IPCEF1: variants seen among roughly 807,000 people sequenced by gnomAD.
IPCEF1 encodes interaction protein for cytohesin exchange factors 1, also known as interactor protein for cytohesin exchange factors 1.
In IPCEF1, 31 loss-of-function variants were observed where a neutral mutation model predicts 50.9. The ratio of observed to expected loss-of-function variants is 0.61; its 90% CI spans 0.46 to 0.82. The LOEUF is 0.82. IPCEF1 is among the 40% of genes least tolerant of loss of function. IPCEF1 has a pLI of 0.00. For missense variants in IPCEF1, 458 were observed against 514.0 expected, an observed-to-expected ratio of 0.89 and a Z score of 1.05; for synonymous variants, 181 against 192.0, an observed-to-expected ratio of 0.94 and a Z score of 0.47.
chr6:154,174,088 G>A (rs1800098006), intron 10 of IPCEF1, among the ~76,000 whole-genome samples: 1 of 152,122 alleles, frequency 6.6e-6, no homozygotes, highest in Non-Finnish European at 1.5e-5. Flanking sequence ...CATAAGTGAA[G>A]GAGAAATAAA....
chr6:154,355,495 T>TC (rs1491389403), intron 1 of IPCEF1, among the ~76,000 whole-genome samples: 4 of 67,454 alleles, frequency 5.9e-5, no homozygotes, highest in Non-Finnish European at 1.4e-4. Flanking sequence ...TCTTTCTTTC[T>TC]TTTTTTTTTT....
chr6:154,271,941 T>A (rs1416167174), intron 2 of IPCEF1, among the ~76,000 whole-genome samples: 1 of 152,210 alleles, frequency 6.6e-6, no homozygotes, highest in Non-Finnish European at 1.5e-5. Context: ...GAGCTTTGAT[T>A]GTGCTATTGC....
chr6:154,233,988 C>G (rs118182502), intron 5 of IPCEF1, among the ~76,000 whole-genome samples: 2 of 152,288 alleles, frequency 1.3e-5, no homozygotes, highest in East Asian at 3.9e-4. Context: ...GCAGAAGGAT[C>G]TCTTGAGGCT....
intron 1 of IPCEF1, among the ~76,000 whole-genome samples, chr6:154,342,134 T>A (rs996422193): frequency 2.6e-5 from 4 of 152,140 alleles, no homozygotes; most frequent in Non-Finnish European, 4.4e-5. Flanking sequence ...AATTCTTTGC[T>A]GGCCTCCCAT....
chr6:154,338,680 G>A (rs551157423), intron 1 of IPCEF1, among the ~76,000 whole-genome samples: 1 of 152,046 alleles, frequency 6.6e-6, no homozygotes, highest in Admixed American at 6.5e-5. Context: ...AGTATTTTCA[G>A]AGGCCAAGGT....
intron 10 of IPCEF1, among the ~76,000 whole-genome samples, chr6:154,186,462 C>G (rs1801353269): frequency 6.6e-6 from 1 of 152,234 alleles, no homozygotes; most frequent in Non-Finnish European, 1.5e-5. Flanking sequence ...TCACCTCCAC[C>G]TGAACACAGG....
At chr6:154,353,363 C>T (rs1461257542) in intron 1 of IPCEF1, among the ~76,000 whole-genome samples, 3 of 142,096 alleles carry the variant, frequency 2.1e-5, no homozygotes, top group Admixed American at 7.6e-5. Flanking sequence ...TGCGTGATCT[C>T]GGCTCACTGC....
intron 3 of IPCEF1, among the ~76,000 whole-genome samples, chr6:154,260,315 G>C (rs557913955): frequency 1.6e-4 from 25 of 152,182 alleles, no homozygotes; most frequent in African/African-American, 6.0e-4. Context: ...GTAACTTTTT[G>C]TTTCAGGGAA....
intron 1 of IPCEF1, among the ~76,000 whole-genome samples, chr6:154,298,432 C>T (rs572698784): frequency 6.6e-6 from 1 of 152,274 alleles, no homozygotes; most frequent in African/African-American, 2.4e-5. Context: ...AAATGTAAGT[C>T]AGCAGTTTCA....
At chr6:154,298,898 G>T (rs1298769632) in intron 1 of IPCEF1, among the ~76,000 whole-genome samples, 2 of 94,948 alleles carry the variant, frequency 2.1e-5, no homozygotes, top group Non-Finnish European at 5.2e-5. Flanking sequence ...GGAGGCGGAG[G>T]TTGCAGTAAG....
intron 10 of IPCEF1, among the ~76,000 whole-genome samples, chr6:154,179,869 C>T (rs1462764339): frequency 6.6e-6 from 1 of 152,164 alleles, no homozygotes; most frequent in Non-Finnish European, 1.5e-5. Context: ...CACCTAGGAA[C>T]CTTGTTAACA....
intron 11 of IPCEF1, among the ~76,000 whole-genome samples, chr6:154,163,230 T>C (rs1335736665): frequency 2.6e-5 from 4 of 152,156 alleles, no homozygotes; most frequent in Non-Finnish European, 5.9e-5. Flanking sequence ...CTCCCCATGC[T>C]CCATCCCCAC....
chr6:154,345,816 G>T (rs1784016705), intron 1 of IPCEF1, among the ~76,000 whole-genome samples: 1 of 151,662 alleles, frequency 6.6e-6, no homozygotes. Context: ...AATGTGTTAG[G>T]AATATGGTTT....
intron 10 of IPCEF1, among the ~76,000 whole-genome samples, chr6:154,179,862 C>G (rs1800680678): frequency 6.6e-6 from 1 of 152,166 alleles, no homozygotes; most frequent in African/African-American, 2.4e-5. Context: ...AGGCACTCAC[C>G]TAGGAACCTT....
chr6:154,301,823 G>C (rs934469413), intron 1 of IPCEF1, among the ~76,000 whole-genome samples: 1 of 151,972 alleles, frequency 6.6e-6, no homozygotes, highest in Non-Finnish European at 1.5e-5. Flanking sequence ...GTACTAATAA[G>C]TAAAAATAAA....
At chr6:154,338,885 C>G (rs977857910) in intron 1 of IPCEF1, among the ~76,000 whole-genome samples, 3 of 152,014 alleles carry the variant, frequency 2.0e-5, no homozygotes, top group Non-Finnish European at 4.4e-5. Context: ...CTTCAGTGAG[C>G]CAAGACTGCA....
chr6:154,199,902 C>T lies in IPCEF1; in HGVS notation c.676G>A (p.Val226Ile). 1 of 1,614,190 alleles carries T rather than the reference C, an allele frequency of 6.2e-7. No homozygotes were observed. Among genetic ancestry groups the T allele is most frequent in the South Asian group, 1.1e-5 (1 of 91,090 alleles). Residue 226 changes from valine to isoleucine, a missense_variant, in exon 10 of 12, where the codon GTT (valine) becomes ATT (isoleucine). Physicochemically the swap from Val to Ile is conservative, Grantham distance 29. Coordinates refer to ENST00000367220, the MANE Select transcript of IPCEF1 (RefSeq NM_001130700.2). Reference sequence around the variant, plus strand: ...TCTTCAGCAGCAGACAAACTGTTAACTGTGTCAGGCAAGGATTGTCTCTCT... The same window carrying T: ...TCTTCAGCAGCAGACAAACTGTTAATTGTGTCAGGCAAGGATTGTCTCTCT... ...SKERQSLPDT[V>I]NSLSAAEDEG...
intron 7 of IPCEF1, chr6:154,219,232 T>C (rs1397448048): frequency 1.3e-5 from 2 of 152,182 alleles, no homozygotes; most frequent in African/African-American, 2.4e-5. Context: ...TGCACCTTAC[T>C]GTGTAGGAGG....
intron 1 of IPCEF1, among the ~76,000 whole-genome samples, chr6:154,320,826 G>A (rs80061446): frequency 1.3e-5 from 2 of 152,058 alleles, no homozygotes; most frequent in Non-Finnish European, 1.5e-5. Flanking sequence ...GGGCAACATA[G>A]CAAGACCTCA....
Sources: gnomAD v4.1 joint callset for allele counts (sites outside exome capture counted in the v4.1 genomes callset) on GRCh38, gnomAD v4.1.1 for gene constraint, MANE v1.5 for transcripts, NCBI Gene and HGNC (gene_info 2026-07-23, HGNC 2026-07-21) for gene names.